The following DLG2 variants were observed in gnomAD, a reference collection of about 807,000 sequenced individuals.
The protein encoded by DLG2 is disks large homolog 2.
DLG2 carries 45 observed loss-of-function variants against 132.5 expected under a neutral mutation model. The ratio of observed to expected loss-of-function variants is 0.34; its 90% CI spans 0.27 to 0.44. The LOEUF is 0.44. DLG2 is among the 20% of genes least tolerant of loss of function. DLG2 has a pLI of 1.00. For missense variants in DLG2, 1,045 were observed against 1,196.9 expected (o/e 0.87, Z 1.87); for synonymous variants, 424 against 419.6 (o/e 1.01, Z -0.13).
chr11:83,471,851 A>G, intron 23 of DLG2, 124 bp from the exon 24 acceptor site: 1 of 730,850 alleles, frequency 1.4e-6, no homozygotes, highest in East Asian at 2.7e-5. Context: ...ACTTCACTGG[A>G]TAAATTACTC....
chr11:84,184,277 G>A (rs1229229273), intron 8 of DLG2, among the ~76,000 whole-genome samples: 2 of 151,422 alleles, frequency 1.3e-5, no homozygotes, highest in Non-Finnish European at 3.0e-5. Context: ...TCTAACTGGT[G>A]TGAGATGGTA....
intron 6 of DLG2, among the ~76,000 whole-genome samples, chr11:84,745,929 C>A (rs989392676): frequency 6.6e-6 from 1 of 152,190 alleles, no homozygotes; most frequent in African/African-American, 2.4e-5. Context: ...CCTTAGCTAT[C>A]TGCAAACCTT....
intron 7 of DLG2, among the ~76,000 whole-genome samples, chr11:84,303,106 G>T (rs1487503498): frequency 6.6e-6 from 1 of 151,990 alleles, no homozygotes; most frequent in Admixed American, 6.6e-5. Flanking sequence ...GTGAGACTCT[G>T]TCTCAAAAAA....
intron 6 of DLG2, among the ~76,000 whole-genome samples, chr11:85,084,536 G>A (rs1009384694): frequency 6.6e-6 from 1 of 152,136 alleles, no homozygotes; most frequent in Non-Finnish European, 1.5e-5. Flanking sequence ...AGCATTAAGG[G>A]TGACCCTCAG....
intron 6 of DLG2, among the ~76,000 whole-genome samples, chr11:84,980,978 C>T (rs909855147): frequency 6.6e-6 from 1 of 152,128 alleles, no homozygotes; most frequent in African/African-American, 2.4e-5. Flanking sequence ...AGACTCTGGG[C>T]ATAGCTCTAT....
At chr11:84,037,349 A>C (rs183524977) in intron 11 of DLG2, among the ~76,000 whole-genome samples, 1 of 152,250 alleles carries the variant, frequency 6.6e-6, no homozygotes, top group East Asian at 1.9e-4. Context: ...CTGGGAAAGA[A>C]TAGAGTATCA....
At chr11:83,769,560 C>CTTTT (rs143446772) in intron 18 of DLG2, among the ~76,000 whole-genome samples, 5 of 124,050 alleles carry the variant, frequency 4.0e-5, no homozygotes, top group East Asian at 2.3e-4. Flanking sequence ...ACTCTAGCTT[C>CTTTT]TTTTTTTTTT....
At chr11:84,063,213 G>T (rs781665513) in intron 10 of DLG2, among the ~76,000 whole-genome samples, 1 of 152,152 alleles carries the variant, frequency 6.6e-6, no homozygotes, top group Non-Finnish European at 1.5e-5. Context: ...TGTTATACAC[G>T]TAAGTCTACA....
At chr11:83,524,888 G>A (rs1364666062) in intron 21 of DLG2, among the ~76,000 whole-genome samples, 1 of 152,090 alleles carries the variant, frequency 6.6e-6, no homozygotes, top group East Asian at 1.9e-4. Flanking sequence ...GAAATATATT[G>A]TAAACATGAG....
intron 6 of DLG2, among the ~76,000 whole-genome samples, chr11:84,854,696 T>C (rs979968421): frequency 1.7e-4 from 26 of 152,018 alleles, no homozygotes; most frequent in African/African-American, 6.3e-4. Flanking sequence ...TGTTTCCATG[T>C]CTGTCCCTGC....
chr11:84,654,932 C>T (rs1013344560), intron 6 of DLG2, among the ~76,000 whole-genome samples: 1 of 152,180 alleles, frequency 6.6e-6, no homozygotes, highest in Non-Finnish European at 1.5e-5. Flanking sequence ...TCATTAAAGA[C>T]CAGAGCTTTG....
intron 9 of DLG2, among the ~76,000 whole-genome samples, chr11:84,103,938 T>G (rs1239169581): frequency 6.6e-6 from 1 of 152,104 alleles, no homozygotes; most frequent in African/African-American, 2.4e-5. Flanking sequence ...AAAATACTGT[T>G]TGACCTGATC....
At chr11:84,224,315 C>CA (rs2096959589) in intron 8 of DLG2, among the ~76,000 whole-genome samples, 1 of 152,186 alleles carries the variant, frequency 6.6e-6, no homozygotes, top group Admixed American at 6.5e-5. Context: ...TCCTAGGCTG[C>CA]TTTTGTTACA....
At chr11:84,180,521 C>T (rs1314959483) in intron 8 of DLG2, among the ~76,000 whole-genome samples, 3 of 151,928 alleles carry the variant, frequency 2.0e-5, no homozygotes, top group African/African-American at 7.3e-5. Context: ...ATCACAGATC[C>T]AGGAACCTCA....
chr11:85,005,444 T>A (rs1012141686), intron 6 of DLG2, among the ~76,000 whole-genome samples: 13 of 152,198 alleles, frequency 8.5e-5, no homozygotes, highest in Admixed American at 8.5e-4. Context: ...CTCCTTCACA[T>A]CCCTTGTAAG....
chr11:85,109,938 A>G (rs548390387), intron 6 of DLG2, among the ~76,000 whole-genome samples: 2 of 152,200 alleles, frequency 1.3e-5, no homozygotes, highest in Admixed American at 1.3e-4. Flanking sequence ...GAAATCTGAG[A>G]GCTGTGAAAT....
intron 7 of DLG2, among the ~76,000 whole-genome samples, chr11:84,428,713 G>A (rs1045714307): frequency 3.9e-5 from 6 of 152,178 alleles, no homozygotes; most frequent in Admixed American, 3.9e-4. Flanking sequence ...CAGTCACACT[G>A]AGGACAAGAG....
At chr11:84,169,069 A>C (rs1009352217) in intron 8 of DLG2, among the ~76,000 whole-genome samples, 1 of 152,110 alleles carries the variant, frequency 6.6e-6, no homozygotes, top group African/African-American at 2.4e-5. Context: ...GATGAGTGCG[A>C]GTTTGGGTAA....
At chr11:84,756,751 AT>A (rs1241371588) in intron 6 of DLG2, among the ~76,000 whole-genome samples, 4 of 151,882 alleles carry the variant, frequency 2.6e-5, no homozygotes, top group African/African-American at 4.8e-5. Context: ...TTTTTTTGTG[AT>A]TTTTTTTAAT....
Sources: allele counts gnomAD v4.1 joint callset (sites outside exome capture counted in the v4.1 genomes callset), GRCh38; gene constraint gnomAD v4.1.1; transcripts MANE v1.5; gene names NCBI Gene and HGNC (gene_info 2026-07-23, HGNC 2026-07-21).